Variants in GNAQ observed in about 807,000 individuals in gnomAD.
GNAQ encodes guanine nucleotide-binding protein G(q) subunit alpha.
Under a neutral mutation model 43.9 loss-of-function variants are expected in GNAQ, and 8 were observed. The observed-to-expected ratio is 0.18, with a 90% CI of 0.11 to 0.33. The LOEUF (loss-of-function observed/expected upper bound fraction) is 0.33. GNAQ is among the 10% of genes least tolerant of loss of function. The pLI is 1.00. For synonymous variants in GNAQ, 155 were observed against 170.7 expected, an observed-to-expected ratio of 0.91 and a Z score of 0.71; for missense variants, 158 against 450.8, an observed-to-expected ratio of 0.35 and a Z score of 5.88.
intron 6 of GNAQ, among the ~76,000 whole-genome samples, chr9:77,722,605 AAAAT>A (rs1258694099): frequency 6.6e-6 from 1 of 152,140 alleles, no homozygotes; most frequent in African/African-American, 2.4e-5. Flanking sequence ...CACAAAAGAA[AAAAT>A]AAATTGGACT....
chr9:77,873,289 T>G (rs1181389686), intron 2 of GNAQ, among the ~76,000 whole-genome samples: 1 of 152,196 alleles, frequency 6.6e-6, no homozygotes, highest in Non-Finnish European at 1.5e-5. Flanking sequence ...GAAACGAACC[T>G]CATTACATTA....
intron 1 of GNAQ, among the ~76,000 whole-genome samples, chr9:77,978,362 G>A (rs1823328950): frequency 1.3e-5 from 2 of 152,160 alleles, no homozygotes; most frequent in South Asian, 2.1e-4. Context: ...TGTTTCAGCA[G>A]TATTACACAG....
intron 2 of GNAQ, among the ~76,000 whole-genome samples, chr9:77,829,363 T>C (rs1410551): frequency 0.54 from 82,098 of 152,062 alleles, 25,177 homozygotes; most frequent in Middle Eastern, 0.69. Flanking sequence ...GGCAGCCAAG[T>C]AATAATTCCT....
chr9:77,824,285 C>T (rs1051382225), intron 2 of GNAQ, among the ~76,000 whole-genome samples: 2 of 152,122 alleles, frequency 1.3e-5, no homozygotes, highest in Admixed American at 6.5e-5. Context: ...AATTCAGAAA[C>T]GGCCTCTCTT....
intron 1 of GNAQ, among the ~76,000 whole-genome samples, chr9:77,926,467 T>C (rs1340149656): frequency 1.3e-5 from 2 of 152,224 alleles, no homozygotes; most frequent in Non-Finnish European, 2.9e-5. Context: ...TGATGACTAA[T>C]GTCTTTTCAC....
intron 1 of GNAQ, among the ~76,000 whole-genome samples, chr9:77,990,880 C>A (rs888903370): frequency 1.3e-5 from 2 of 152,138 alleles, no homozygotes; most frequent in Non-Finnish European, 2.9e-5. Flanking sequence ...ACACACATGA[C>A]CTAAGAATGC....
chr9:78,002,075 C>A (rs754799668), intron 1 of GNAQ, among the ~76,000 whole-genome samples: 1 of 152,110 alleles, frequency 6.6e-6, no homozygotes, highest in African/African-American at 2.4e-5. Context: ...ACCTTGATGC[C>A]ATTTTTCTGT....
chr9:77,890,270 G>A (rs1653676681), intron 2 of GNAQ, among the ~76,000 whole-genome samples: 1 of 152,162 alleles, frequency 6.6e-6, no homozygotes, highest in African/African-American at 2.4e-5. Context: ...AAAAACTTGA[G>A]AGTTTGACTG....
At chr9:77,732,620 C>T (rs1825513090) in intron 5 of GNAQ, among the ~76,000 whole-genome samples, 2 of 152,156 alleles carry the variant, frequency 1.3e-5, no homozygotes, top group Non-Finnish European at 2.9e-5. Flanking sequence ...CCTGCCTTGG[C>T]CTCCCAAAGT....
intron 1 of GNAQ, among the ~76,000 whole-genome samples, chr9:77,979,118 G>A (rs1338830789): frequency 6.6e-6 from 1 of 152,100 alleles, no homozygotes; most frequent in Non-Finnish European, 1.5e-5. Flanking sequence ...TGCTTTGGGA[G>A]GCCGAGGTGG....
intron 1 of GNAQ, among the ~76,000 whole-genome samples, chr9:77,952,606 A>C (rs938575341): frequency 6.6e-6 from 1 of 152,246 alleles, no homozygotes; most frequent in African/African-American, 2.4e-5. Context: ...GAAAAAAGTT[A>C]AGTTTTAGCT....
intron 1 of GNAQ, among the ~76,000 whole-genome samples, chr9:78,022,359 G>A (rs1823921548): frequency 1.3e-5 from 2 of 152,138 alleles, no homozygotes; most frequent in Admixed American, 6.5e-5. Context: ...CATTCTACAG[G>A]TTTTTATAGA....
rs1377713111 is a variant in GNAQ at position 77,716,820 on chromosome 9, C to A, written c.*4503G>T. The A allele has an allele frequency of 4.3e-6, 1 of 232,700 alleles. No homozygotes were observed. Among genetic ancestry groups the A allele is most frequent in the Non-Finnish European group, 8.5e-6 (1 of 117,812 alleles). The allele number at this position is 232,700 out of a possible 1,614,324, so 14.4% of individuals were successfully genotyped here. On this transcript the variant is annotated 3_prime_UTR_variant, in exon 7 of 7. Transcript: ENST00000286548. ...GAGGACACAGGGTAGATAAGGAAGG[C>A]AAGGAGGAAATTAATATTTGAGCAC...
chr9:77,725,904 A>T (rs1825390414), intron 6 of GNAQ, among the ~76,000 whole-genome samples: 1 of 152,204 alleles, frequency 6.6e-6, no homozygotes, highest in African/African-American at 2.4e-5. Context: ...TCCCTTATGC[A>T]AGCACATCAT....
chr9:77,978,535 A>G (rs1193323974), intron 1 of GNAQ, among the ~76,000 whole-genome samples: 2 of 152,250 alleles, frequency 1.3e-5, no homozygotes, highest in East Asian at 3.9e-4. Context: ...CTCTGTAGTT[A>G]TAATTACATC....
At chr9:77,959,338 C>T (rs188847837) in intron 1 of GNAQ, among the ~76,000 whole-genome samples, 2 of 152,272 alleles carry the variant, frequency 1.3e-5, no homozygotes, top group Admixed American at 1.3e-4. Context: ...AGTTTGCAAT[C>T]ATCTGTTTTC....
intron 1 of GNAQ, among the ~76,000 whole-genome samples, chr9:77,960,035 TTTC>T (rs2118414498): frequency 6.6e-6 from 1 of 152,284 alleles, no homozygotes; most frequent in Admixed American, 6.5e-5. Context: ...CTCAACACCA[TTTC>T]TTTTTTTTTT....
intron 5 of GNAQ, among the ~76,000 whole-genome samples, chr9:77,745,155 C>T (rs1247415769): frequency 6.6e-6 from 1 of 152,024 alleles, no homozygotes; most frequent in African/African-American, 2.4e-5. Flanking sequence ...AGGGAAAAGT[C>T]GAGTAGGCAC....
chr9:77,720,432 T>C lies in GNAQ; in HGVS notation c.*891A>G, dbSNP rs1171888364. 4.3e-6 allele frequency: 1 copy of C among 233,440 alleles called. No individual in the cohort carries two copies. The highest frequency in any genetic ancestry group is 8.5e-6 in the Non-Finnish European group (1 of 117,996). 14.5% of individuals were successfully genotyped at this position (233,440 alleles called of 1,614,324 possible). A position where few individuals can be genotyped will look rare whatever the true frequency, so the allele number is the denominator to read the frequency against. ...CAACAAAAAAATTAAGAACAACCTA[T>C]AAAAAGGTTCTGGGTAGCAGCCATT... On this transcript the variant is annotated 3_prime_UTR_variant, in exon 7 of 7. Coordinates refer to ENST00000286548, the MANE Select transcript of GNAQ (RefSeq NM_002072.5).
Sources: allele counts gnomAD v4.1 joint callset (sites outside exome capture counted in the v4.1 genomes callset), GRCh38; gene constraint gnomAD v4.1.1; transcripts MANE v1.5; gene names NCBI Gene and HGNC (gene_info 2026-07-23, HGNC 2026-07-21).